Variants in DPYD observed in about 807,000 individuals in gnomAD.
DPYD encodes the protein dihydropyrimidine dehydrogenase [NADP(+)].
DPYD carries 109 observed loss-of-function variants against 116.2 expected under a neutral mutation model. That is an observed-to-expected ratio of 0.94 (90% CI 0.80 to 1.10). DPYD has a LOEUF of 1.10. Ranked by LOEUF, DPYD falls within the 50% of genes least tolerant of loss-of-function variation. The probability of loss-of-function intolerance (pLI) is 0.00; values close to 1 mark genes in which losing one functional copy is unlikely to be tolerated. For missense variants in DPYD, 1,302 were observed against 1,254.5 expected, an observed-to-expected ratio of 1.04 and a Z score of -0.57; for synonymous variants, 440 against 432.0, an observed-to-expected ratio of 1.02 and a Z score of -0.23.
At chr1:97,834,328 T>G (rs1669664769) in intron 2 of DPYD, among the ~76,000 whole-genome samples, 1 of 152,002 alleles carries the variant, frequency 6.6e-6, no homozygotes, top group Non-Finnish European at 1.5e-5. Context: ...GATAGTATGC[T>G]AATCATTGAG....
intron 16 of DPYD, among the ~76,000 whole-genome samples, chr1:97,324,132 T>C (rs1668588306): frequency 6.6e-6 from 1 of 151,952 alleles, no homozygotes; most frequent in African/African-American, 2.4e-5. Context: ...ACTCTTGGTG[T>C]TCATTCTCTG....
At chr1:97,576,680 T>TA (rs546718293) in intron 10 of DPYD, among the ~76,000 whole-genome samples, 13 of 152,186 alleles carry the variant, frequency 8.5e-5, no homozygotes, top group Admixed American at 7.9e-4. Context: ...GTTACAAACA[T>TA]AAAAAAACTG....
intron 19 of DPYD, among the ~76,000 whole-genome samples, chr1:97,224,322 A>ATG: frequency 6.6e-6 from 1 of 152,080 alleles, no homozygotes; most frequent in Middle Eastern, 3.2e-3. Flanking sequence ...TGGAGTACCC[A>ATG]GATTACTCTC....
chr1:97,500,285 CA>C (rs138878380), intron 13 of DPYD, among the ~76,000 whole-genome samples: 12,731 of 151,922 alleles, frequency 0.084, 647 homozygotes, highest in South Asian at 0.1. Flanking sequence ...AAACTACAGG[CA>C]AAATCCAGTT....
intron 15 of DPYD, among the ~76,000 whole-genome samples, chr1:97,381,195 A>T (rs1000830036): frequency 6.6e-6 from 1 of 151,940 alleles, no homozygotes; most frequent in Non-Finnish European, 1.5e-5. Flanking sequence ...TTAGAAGGTG[A>T]TATTAAATAA....
At chr1:97,600,488 G>A (rs910719806) in intron 8 of DPYD, among the ~76,000 whole-genome samples, 4 of 152,108 alleles carry the variant, frequency 2.6e-5, no homozygotes, top group African/African-American at 9.6e-5. Context: ...TCTTAAGGCC[G>A]ACTGACCTAT....
chr1:97,813,246 A>G lies in DPYD; in HGVS notation c.233+14868T>C, dbSNP rs79155682. 6.6e-3 allele frequency among the ~76,000 whole-genome samples: 1,001 copies of G among 152,260 alleles called. 15 individuals are homozygous for G. The highest frequency in any genetic ancestry group is 0.023 in the African/African-American group (942 of 41,560). Reference sequence around the variant, plus strand: ...TTTTTTCACTACTAAAAAGAAAAAAAATCTGATTCCCCAAACAGCTTTTTC... The same window carrying G: ...TTTTTTCACTACTAAAAAGAAAAAAGATCTGATTCCCCAAACAGCTTTTTC... On this transcript the variant is annotated intron_variant, in intron 3 of 22. Coordinates refer to ENST00000370192, the MANE Select transcript of DPYD (RefSeq NM_000110.4).
intron 18 of DPYD, among the ~76,000 whole-genome samples, chr1:97,303,569 A>T (rs933277404): frequency 2.0e-5 from 3 of 152,044 alleles, no homozygotes; most frequent in Non-Finnish European, 4.4e-5. Context: ...AAAATATATT[A>T]TCATTGCCTA....
At chr1:97,715,039 C>A (rs984832520) in intron 5 of DPYD, among the ~76,000 whole-genome samples, 4 of 152,014 alleles carry the variant, frequency 2.6e-5, no homozygotes, top group Admixed American at 2.6e-4. Flanking sequence ...GAGAGTTATT[C>A]TGAGGATTAA....
chr1:97,700,615 A>T (rs1031187616), intron 5 of DPYD, among the ~76,000 whole-genome samples: 3 of 152,062 alleles, frequency 2.0e-5, no homozygotes, highest in African/African-American at 7.2e-5. Flanking sequence ...GTGAATAATA[A>T]GTCAACCACA....
chr1:97,748,092 T>G (rs572771642), intron 3 of DPYD, among the ~76,000 whole-genome samples: 1 of 152,144 alleles, frequency 6.6e-6, no homozygotes, highest in African/African-American at 2.4e-5. Flanking sequence ...ACATTAAACA[T>G]AGTAGACATC....
intron 14 of DPYD, among the ~76,000 whole-genome samples, chr1:97,428,154 G>A (rs930175442): frequency 6.6e-6 from 1 of 152,072 alleles, no homozygotes; most frequent in African/African-American, 2.4e-5. Context: ...ATCTCTAGGA[G>A]AGTGACCTTG....
rs72732336 is a variant in DPYD, at chr1:97,581,832, T to G, written c.1129-7862A>C. ...TGAAAGAAAAGTAGGAATTAATCAC[T>G]GGAAAGGAATTAGTTACTAGGAAGT... is the stretch of plus-strand genomic sequence containing the variant. On this transcript the variant is annotated intron_variant, in intron 10 of 22. Transcript: ENST00000370192. Among the ~76,000 whole-genome samples, 500 of 151,804 alleles carry G rather than the reference T, an allele frequency of 3.3e-3. 7 individuals carry two copies. Among genetic ancestry groups the G allele is most frequent in the African/African-American group, 0.011 (475 of 41,384 alleles).
intron 4 of DPYD, among the ~76,000 whole-genome samples, chr1:97,724,237 T>C (rs1418648662): frequency 1.3e-5 from 2 of 151,142 alleles, no homozygotes; most frequent in Non-Finnish European, 3.0e-5. Flanking sequence ...GAATGTTCAC[T>C]GCATTAGTCA....
At chr1:97,372,257 G>A (rs1671348528) in intron 16 of DPYD, among the ~76,000 whole-genome samples, 1 of 152,200 alleles carries the variant, frequency 6.6e-6, no homozygotes, top group Admixed American at 6.5e-5. Flanking sequence ...TTCACAGACT[G>A]TGAAACAAGT....
At chr1:97,650,433 G>C (rs533757891) in intron 8 of DPYD, among the ~76,000 whole-genome samples, 1 of 152,210 alleles carries the variant, frequency 6.6e-6, no homozygotes, top group African/African-American at 2.4e-5. Context: ...GGCAACAATG[G>C]TCAAAAGAGA....
At chr1:97,693,577 G>GTA (rs768504621) in intron 6 of DPYD, among the ~76,000 whole-genome samples, 38 of 152,104 alleles carry the variant, frequency 2.5e-4, no homozygotes, top group Non-Finnish European at 4.3e-4. Flanking sequence ...TGGACTGTAT[G>GTA]TGGACACAAA....
Position 97,078,352 on chromosome 1 carries a change from C to G in DPYD, c.*624G>C, listed in dbSNP as rs1189450372. ...GGTATTTAGTTAGTAAATATTCTCCCTATCCTCTATCCAACACCAAAAATA... is the reference window on the plus strand; with the variant it reads ...GGTATTTAGTTAGTAAATATTCTCCGTATCCTCTATCCAACACCAAAAATA... On this transcript the variant is annotated 3_prime_UTR_variant, in exon 23 of 23. Transcript: ENST00000370192. 1.2e-5 allele frequency: 2 copies of G among 165,814 alleles called. No homozygotes were observed. The highest frequency in any genetic ancestry group is 2.6e-5 in the Non-Finnish European group (2 of 76,080). The allele number at this position is 165,814 out of a possible 1,614,324, so 10.3% of individuals were successfully genotyped here. A position where few individuals can be genotyped will look rare whatever the true frequency, so the allele number is the denominator to read the frequency against.
chr1:97,733,076 T>C (rs1178898458), intron 4 of DPYD, among the ~76,000 whole-genome samples: 6 of 151,998 alleles, frequency 3.9e-5, no homozygotes, highest in Non-Finnish European at 7.4e-5. Flanking sequence ...TAAATAAATA[T>C]GGAATCAAAT....
Sources: gnomAD v4.1 joint callset for allele counts (sites outside exome capture counted in the v4.1 genomes callset) on GRCh38, gnomAD v4.1.1 for gene constraint, MANE v1.5 for transcripts, NCBI Gene and HGNC (gene_info 2026-07-23, HGNC 2026-07-21) for gene names.